The following PPP2R5E variants were observed in gnomAD, a reference collection of about 807,000 sequenced individuals.
PPP2R5E encodes protein phosphatase 2 regulatory subunit B'epsilon.
PPP2R5E carries 4 observed loss-of-function variants against 65.3 expected under a neutral mutation model. The ratio of observed to expected loss-of-function variants is 0.06; its 90% CI spans 0.03 to 0.14. PPP2R5E has a LOEUF of 0.14. Among genes scored for constraint, PPP2R5E ranks in the 10% least tolerant of loss-of-function variants. The pLI is 1.00. For missense variants in PPP2R5E, 274 were observed against 556.1 expected (o/e 0.49, Z 5.10); for synonymous variants, 183 against 187.4 (o/e 0.98, Z 0.19).
chr14:63,486,076 C>T (rs1430852200), intron 2 of PPP2R5E, among the ~76,000 whole-genome samples: 2 of 151,898 alleles, frequency 1.3e-5, no homozygotes, highest in African/African-American at 4.8e-5. Context: ...GTGATCTGCC[C>T]ACCTCGGCCT....
chr14:63,433,045 T>G (rs866360563), intron 3 of PPP2R5E, among the ~76,000 whole-genome samples: 1,902 of 145,288 alleles, frequency 0.013, 40 homozygotes, highest in African/African-American at 0.046. Context: ...TTTTTTTTTT[T>G]TTTTTTTTTT....
At chr14:63,486,525 A>G (rs1389073547) in intron 2 of PPP2R5E, among the ~76,000 whole-genome samples, 1 of 151,942 alleles carries the variant, frequency 6.6e-6, no homozygotes, top group East Asian at 1.9e-4. Flanking sequence ...ACTAAATTAT[A>G]TACACACTAG....
rs944873234 is a variant in PPP2R5E at position 63,372,942 on chromosome 14, T to TA, written c.*3066dup. 1 of 152,160 alleles carries TA rather than the reference T, an allele frequency of 6.6e-6. No individual in the cohort carries two copies. Among genetic ancestry groups the TA allele is most frequent in the African/African-American group, 2.4e-5 (1 of 41,540 alleles). 9.4% of individuals were successfully genotyped at this position (152,160 alleles called of 1,614,324 possible). A position where few individuals can be genotyped will look rare whatever the true frequency, so the allele number is the denominator to read the frequency against. On this transcript the variant is annotated 3_prime_UTR_variant, in exon 14 of 14. Coordinates refer to ENST00000337537, the MANE Select transcript of PPP2R5E (RefSeq NM_006246.5). ...ATTTCTTTTTTTTTCTTTTCTTTTA[T>TA]AAAAAACAGTCAAATGTTAGGGAGA...
At chr14:63,396,485 AAG>A (rs1594826701) in intron 6 of PPP2R5E, 99 bp downstream of exon 6, 5 of 1,432,052 alleles carry the variant, frequency 3.5e-6, no homozygotes, top group Non-Finnish European at 4.7e-6. Context: ...GAAAGGGAGA[AAG>A]AGAAGTCAGT....
At position 63,415,186 on chromosome 14, in the gene PPP2R5E, T is replaced by C; in HGVS notation, c.503A>G (p.Gln168Arg). Residue 168 changes from glutamine (Q) to arginine (R), a missense_variant, in exon 5 of 14, where the codon CAA (glutamine) becomes CGA (arginine). By Grantham distance (43) the Gln-to-Arg change is conservative (BLOSUM62 1). Coordinates refer to ENST00000337537, the MANE Select transcript of PPP2R5E (RefSeq NM_006246.5). The stretch of plus-strand genomic sequence containing the variant: ...TATATATTTTTTGGCAATGCTGGGT[T>C]GGAATTCTTGGCTTTCCAAAAATCG... The part of the protein sequence containing the change: ...FIRFLESQEF[Q>R]PSIAKKYIDQ... The C allele has an allele frequency of 6.2e-7, 1 of 1,605,818 alleles. No homozygotes were observed. Among genetic ancestry groups the C allele is most frequent in the Non-Finnish European group, 8.5e-7 (1 of 1,173,358 alleles).
intron 3 of PPP2R5E, among the ~76,000 whole-genome samples, chr14:63,428,202 T>C: frequency 6.6e-6 from 1 of 152,160 alleles, no homozygotes; most frequent in South Asian, 2.1e-4. Context: ...TCCTTTCCGG[T>C]ACTCTCTTCC....
chr14:63,502,718 A>G (rs1308336654), intron 2 of PPP2R5E, among the ~76,000 whole-genome samples: 1 of 152,200 alleles, frequency 6.6e-6, no homozygotes, highest in Non-Finnish European at 1.5e-5. Flanking sequence ...CCCAAATGCC[A>G]TCTATAGGAA....
chr14:63,456,133 A>C (rs986577628), intron 2 of PPP2R5E, among the ~76,000 whole-genome samples: 2 of 152,356 alleles, frequency 1.3e-5, no homozygotes, highest in South Asian at 2.1e-4. Context: ...AATTAATTCA[A>C]TATTTGATAT....
intron 2 of PPP2R5E, among the ~76,000 whole-genome samples, chr14:63,503,412 C>T (rs1053489216): frequency 8.5e-5 from 13 of 152,134 alleles, no homozygotes; most frequent in African/African-American, 3.1e-4. Flanking sequence ...AAAGCAATAT[C>T]CAGTCTGCTC....
intron 2 of PPP2R5E, among the ~76,000 whole-genome samples, chr14:63,474,803 T>C (rs1169409740): frequency 6.6e-6 from 1 of 151,800 alleles, no homozygotes; most frequent in Non-Finnish European, 1.5e-5. Flanking sequence ...TAAGTGGTCT[T>C]AAAGCCAATA....
chr14:63,503,152 AT>A lies in PPP2R5E; in HGVS notation c.157+36376del, dbSNP rs35863054. ...AAGAGCCAAACAGGGAAAGTTAGCC[AT>A]TTTTTTTTTAACTACTGTATGTACA... On this transcript the variant is annotated intron_variant, in intron 2 of 13. Coordinates refer to ENST00000337537, the MANE Select transcript of PPP2R5E (RefSeq NM_006246.5). Among the ~76,000 whole-genome samples, 1,418 of 150,048 alleles carry A rather than the reference AT, an allele frequency of 9.5e-3. 20 individuals carry two copies. The highest frequency in any genetic ancestry group is 0.033 in the African/African-American group (1,344 of 41,062).
intron 3 of PPP2R5E, among the ~76,000 whole-genome samples, chr14:63,445,841 CA>C (rs35724892): frequency 0.051 from 5,858 of 114,756 alleles, 333 homozygotes; most frequent in African/African-American, 0.16. Flanking sequence ...GACTCCGTCT[CA>C]AAAAAAAAAA....
chr14:63,406,310 C>CT (rs770046943), intron 5 of PPP2R5E, among the ~76,000 whole-genome samples: 1 of 151,136 alleles, frequency 6.6e-6, no homozygotes, highest in Non-Finnish European at 1.5e-5. Context: ...ATTCAGGAGA[C>CT]TGAGACAGAA....
At chr14:63,430,389 A>ACATGCATGCATG (rs1427187078) in intron 3 of PPP2R5E, among the ~76,000 whole-genome samples, 2,852 of 142,402 alleles carry the variant, frequency 0.02, 91 homozygotes, top group African/African-American at 0.076. Flanking sequence ...ATACATACAT[A>ACATGCATGCATG]CATACATACA....
At chr14:63,473,797 C>T (rs866521497) in intron 2 of PPP2R5E, among the ~76,000 whole-genome samples, 30 of 152,200 alleles carry the variant, frequency 2.0e-4, no homozygotes, top group African/African-American at 7.0e-4. Context: ...GAGTTTTAAC[C>T]CACATGCATT....
intron 2 of PPP2R5E, among the ~76,000 whole-genome samples, chr14:63,486,898 C>T (rs539062617): frequency 6.6e-6 from 1 of 152,330 alleles, no homozygotes; most frequent in East Asian, 1.9e-4. Context: ...CTTTGAGCTG[C>T]AGGGGCCCCT....
chr14:63,450,038 G>C (rs772462631), intron 3 of PPP2R5E, among the ~76,000 whole-genome samples: 17 of 151,964 alleles, frequency 1.1e-4, no homozygotes, highest in Non-Finnish European at 7.4e-5. Context: ...ACCATGCCAG[G>C]CTAATTTTTG....
chr14:63,384,598 AAG>A lies in PPP2R5E; in HGVS notation c.1075-29_1075-28del, dbSNP rs1278225256. ...TTTGGGAAAAGAAAAATAAAATGTTAAGAGAGAGAAAAAGACAAAGATAAAAC... is the reference window on the plus strand; with the variant it reads ...TTTGGGAAAAGAAAAATAAAATGTTAAGAGAGAAAAAGACAAAGATAAAAC... On this transcript the variant is annotated intron_variant, in intron 11 of 13. Transcript: ENST00000337537. 3 of 1,559,988 alleles carry A rather than the reference AAG, an allele frequency of 1.9e-6. No homozygotes were observed. The African/African-American group carries it at 4.1e-5, about 22-fold the overall frequency.
At chr14:63,452,925 A>C (rs1264243418) in intron 3 of PPP2R5E, 11 of 152,398 alleles carry the variant, frequency 7.2e-5, no homozygotes, top group African/African-American at 2.6e-4. Context: ...CTATTTCACC[A>C]GTCAGTAGAC....
Sources: allele counts gnomAD v4.1 joint callset (sites outside exome capture counted in the v4.1 genomes callset), GRCh38; gene constraint gnomAD v4.1.1; transcripts MANE v1.5; gene names NCBI Gene and HGNC (gene_info 2026-07-23, HGNC 2026-07-21).